Variants in GUCY1A2 observed in about 807,000 individuals in gnomAD.
GUCY1A2 encodes the protein guanylate cyclase soluble subunit alpha-2.
In GUCY1A2, 27 loss-of-function variants were observed where a neutral mutation model predicts 63.5. The observed-to-expected ratio is 0.43, with a 90% CI of 0.31 to 0.59. The LOEUF (loss-of-function observed/expected upper bound fraction) is 0.59, where lower values mean the gene tolerates loss of function less well. Among genes scored for constraint, GUCY1A2 ranks in the 20% least tolerant of loss-of-function variants. The pLI is 0.11. For synonymous variants in GUCY1A2, 364 were observed against 343.5 expected (o/e 1.06, Z -0.66); for missense variants, 768 against 913.3 (o/e 0.84, Z 2.05).
intron 3 of GUCY1A2, among the ~76,000 whole-genome samples, chr11:106,946,824 C>T (rs1417118631): frequency 6.6e-6 from 1 of 152,060 alleles, no homozygotes; most frequent in Non-Finnish European, 1.5e-5. Context: ...ATATTAACAA[C>T]CATCGAATTG....
At chr11:106,769,462 G>T (rs1864218067) in intron 6 of GUCY1A2, among the ~76,000 whole-genome samples, 2 of 152,096 alleles carry the variant, frequency 1.3e-5, no homozygotes, top group Admixed American at 6.6e-5. Flanking sequence ...TGTAGAATGA[G>T]GCATTGATTA....
intron 1 of GUCY1A2, among the ~76,000 whole-genome samples, chr11:107,010,379 G>A (rs554180080): frequency 1.3e-5 from 2 of 152,300 alleles, no homozygotes; most frequent in South Asian, 4.1e-4. Context: ...TCATTTGACA[G>A]AGAATTGGGC....
intron 4 of GUCY1A2, among the ~76,000 whole-genome samples, chr11:106,914,024 A>AAGAG (rs949214102): frequency 1.4e-4 from 21 of 150,438 alleles, no homozygotes; most frequent in Middle Eastern, 3.4e-3. Context: ...AAGAAAAAGA[A>AAGAG]AGAGAGAGAG....
chr11:106,913,265 GATTT>G (rs1466190015), intron 4 of GUCY1A2, among the ~76,000 whole-genome samples: 1 of 152,070 alleles, frequency 6.6e-6, no homozygotes. Context: ...AAAGAAAAGA[GATTT>G]ATTTGGCTCA....
intron 4 of GUCY1A2, among the ~76,000 whole-genome samples, chr11:106,847,461 T>C (rs1240856074): frequency 6.6e-6 from 1 of 151,250 alleles, no homozygotes; most frequent in African/African-American, 2.4e-5. Flanking sequence ...ATCATTGCTA[T>C]TATTATTATT....
intron 4 of GUCY1A2, among the ~76,000 whole-genome samples, chr11:106,815,873 A>G (rs1162908716): frequency 6.6e-6 from 1 of 151,816 alleles, no homozygotes. Context: ...AAGCCAAGAA[A>G]CCTCAAGACC....
intron 4 of GUCY1A2, among the ~76,000 whole-genome samples, chr11:106,939,015 G>T (rs796222155): frequency 2.0e-5 from 3 of 152,162 alleles, no homozygotes; most frequent in African/African-American, 7.2e-5. Context: ...ATGTAAACCA[G>T]ATGTTCCCAG....
intron 3 of GUCY1A2, among the ~76,000 whole-genome samples, chr11:106,975,224 C>A (rs549149626): frequency 6.6e-6 from 1 of 152,154 alleles, no homozygotes; most frequent in Admixed American, 6.6e-5. Flanking sequence ...CTATGTAAAC[C>A]CAATCCATAA....
chr11:106,808,905 T>C (rs542998732), intron 5 of GUCY1A2, among the ~76,000 whole-genome samples: 2 of 152,274 alleles, frequency 1.3e-5, no homozygotes, highest in African/African-American at 4.8e-5. Context: ...TTAAAGATAA[T>C]TTATAAGAAC....
chr11:107,004,009 C>T (rs1445750768), intron 1 of GUCY1A2, among the ~76,000 whole-genome samples: 4 of 152,266 alleles, frequency 2.6e-5, no homozygotes, highest in Non-Finnish European at 4.4e-5. Flanking sequence ...GCCTAGCTTT[C>T]TTATCACATG....
chr11:106,837,551 C>A, intron 4 of GUCY1A2, among the ~76,000 whole-genome samples: 2 of 151,836 alleles, frequency 1.3e-5, no homozygotes, highest in African/African-American at 2.4e-5. Flanking sequence ...CTGTTTCTAG[C>A]TCTCTGAAGA....
chr11:106,912,376 A>G (rs938692760), intron 4 of GUCY1A2, among the ~76,000 whole-genome samples: 13 of 152,056 alleles, frequency 8.5e-5, no homozygotes, highest in Non-Finnish European at 1.6e-4. Flanking sequence ...TTTCAAACAA[A>G]TCTATGGAGA....
chr11:107,000,911 A>G (rs1370620159), intron 1 of GUCY1A2, among the ~76,000 whole-genome samples: 1 of 152,220 alleles, frequency 6.6e-6, no homozygotes, highest in African/African-American at 2.4e-5. Context: ...GAAGGCAAAC[A>G]GACTCAGAGT....
intron 4 of GUCY1A2, among the ~76,000 whole-genome samples, chr11:106,922,696 T>C (rs200986705): frequency 8.5e-4 from 20 of 23,494 alleles, no homozygotes; most frequent in African/African-American, 1.7e-3. Context: ...TATATATATA[T>C]ATATATATAT....
intron 4 of GUCY1A2, among the ~76,000 whole-genome samples, chr11:106,857,796 G>A (rs781113890): frequency 1.3e-5 from 2 of 151,952 alleles, no homozygotes; most frequent in African/African-American, 2.4e-5. Context: ...ATTGTATTAC[G>A]TATTCCAAGT....
rs117539176 is a variant in GUCY1A2 at position 106,763,765 on chromosome 11, A to G, written c.1836+12674T>C. Among the ~76,000 whole-genome samples, 169 of 152,258 alleles carry G rather than the reference A, an allele frequency of 1.1e-3. 1 individual carries two copies. The highest frequency in any genetic ancestry group is 1.7e-3 in the Non-Finnish European group (117 of 67,978). ...GCAACTCAATTATGTGGTTTTGCAC[A>G]TGAGAGAAATTCAGTAAAGGCTTGC... On this transcript the variant is annotated intron_variant, in intron 6 of 7. Transcript: ENST00000526355.
At chr11:106,769,197 G>A (rs12800437) in intron 6 of GUCY1A2, among the ~76,000 whole-genome samples, 1 of 152,058 alleles carries the variant, frequency 6.6e-6, no homozygotes, top group Non-Finnish European at 1.5e-5. Flanking sequence ...TTAAGTGAAA[G>A]AACAAATGAT....
At chr11:106,797,769 T>TA (rs1864793337) in intron 5 of GUCY1A2, among the ~76,000 whole-genome samples, 1 of 152,138 alleles carries the variant, frequency 6.6e-6, no homozygotes, top group Non-Finnish European at 1.5e-5. Context: ...TTCAAAGCAG[T>TA]ATGTGGAGGG....
At chr11:106,982,147 T>C (rs1049451873) in intron 2 of GUCY1A2, among the ~76,000 whole-genome samples, 11 of 152,214 alleles carry the variant, frequency 7.2e-5, no homozygotes, top group Non-Finnish European at 1.3e-4. Context: ...AGATTATTCA[T>C]AGCAAAACCT....
Sources: allele counts gnomAD v4.1 joint callset (sites outside exome capture counted in the v4.1 genomes callset), GRCh38; gene constraint gnomAD v4.1.1; transcripts MANE v1.5; gene names NCBI Gene and HGNC (gene_info 2026-07-23, HGNC 2026-07-21).